The following DMD variants were observed in gnomAD, a reference collection of about 807,000 sequenced individuals.
DMD encodes mutant dystrophin.
A neutral mutation model predicts 330.1 loss-of-function variants in DMD; 63 were observed. That is an observed-to-expected ratio of 0.19 (90% CI 0.16 to 0.24). The LOEUF (loss-of-function observed/expected upper bound fraction) is 0.24. Ranked by LOEUF, DMD falls within the 10% of genes least tolerant of loss-of-function variation. The pLI is 1.00. For missense variants in DMD, 3,344 were observed against 2,684.1 expected (o/e 1.25, Z -5.43); for synonymous variants, 1,223 against 959.8 (o/e 1.27, Z -5.07).
chrX:32,072,281 T>G (rs2096306335), intron 44 of DMD, among the ~76,000 whole-genome samples: 1 of 112,117 alleles, frequency 8.9e-6, no homozygotes, highest in Admixed American at 9.5e-5. Context: ...GTTTCTACAT[T>G]ATTTTTAAAA....
intron 62 of DMD, among the ~76,000 whole-genome samples, chrX:31,284,577 T>TCTTCTTCTTCTTCTA (rs1569516716): frequency 2.1e-5 from 2 of 93,266 alleles, no homozygotes; most frequent in Non-Finnish European, 2.1e-5. Flanking sequence ...TTCTTCTTCT[T>TCTTCTTCTTCTTCTA]CTTCTTCTTC....
chrX:33,145,694 T>A (rs1253283592), intron 1 of DMD, among the ~76,000 whole-genome samples: 4 of 109,523 alleles, frequency 3.7e-5, no homozygotes, highest in African/African-American at 1.3e-4. Context: ...GAACAATTAG[T>A]GTTCTGTAAA....
intron 7 of DMD, among the ~76,000 whole-genome samples, chrX:32,704,967 T>C (rs1422817276): frequency 8.9e-6 from 1 of 112,282 alleles, no homozygotes; most frequent in African/African-American, 3.2e-5. Context: ...TATAATATCA[T>C]CTGATATCTA....
intron 52 of DMD, among the ~76,000 whole-genome samples, chrX:31,684,200 G>A (rs1391112): frequency 0.42 from 46,540 of 110,487 alleles, 7,945 homozygotes; most frequent in African/African-American, 0.62. Flanking sequence ...GAAAAAGTAA[G>A]GACAGTAAAT....
At chrX:31,679,090 G>A (rs910508564) in intron 53 of DMD, among the ~76,000 whole-genome samples, 2 of 110,221 alleles carry the variant, frequency 1.8e-5, no homozygotes, top group African/African-American at 3.3e-5. Flanking sequence ...GGTGGTACAC[G>A]CCTGGCTAGT....
chrX:32,990,281 A>G (rs906172841), intron 2 of DMD, among the ~76,000 whole-genome samples: 8 of 112,082 alleles, frequency 7.1e-5, no homozygotes, highest in African/African-American at 2.6e-4. Context: ...TTTCATGCCT[A>G]GCTACAGTTG....
chrX:32,198,907 C>T (rs141690323), intron 44 of DMD, among the ~76,000 whole-genome samples: 2,854 of 112,129 alleles, frequency 0.025, 81 homozygotes, highest in African/African-American at 0.084. Flanking sequence ...GTATGCAAGA[C>T]GTTACATATC....
chrX:31,993,482 G>A (rs1009000767), intron 44 of DMD, among the ~76,000 whole-genome samples: 7 of 111,381 alleles, frequency 6.3e-5, no homozygotes, highest in African/African-American at 1.6e-4. Flanking sequence ...AAACAAATTC[G>A]ACTCCTGGAT....
chrX:32,388,304 T>C (rs2147590858), intron 32 of DMD, among the ~76,000 whole-genome samples: 1 of 104,984 alleles, frequency 9.5e-6, no homozygotes, highest in Admixed American at 1.1e-4. Context: ...TTGCAAATAT[T>C]AGTCATGAAT....
At chrX:32,302,088 A>G (rs996386386) in intron 42 of DMD, among the ~76,000 whole-genome samples, 5 of 111,193 alleles carry the variant, frequency 4.5e-5, no homozygotes, top group African/African-American at 1.3e-4. Context: ...GGAAATACAC[A>G]TGGCCCCCGT....
chrX:32,793,902 GC>G (rs2076002241), intron 7 of DMD, among the ~76,000 whole-genome samples: 1 of 111,323 alleles, frequency 9.0e-6, no homozygotes, highest in Admixed American at 9.6e-5. Flanking sequence ...TATGAAGCCA[GC>G]ATTACCCTGA....
chrX:32,866,460 A>T (rs761937501), intron 2 of DMD, among the ~76,000 whole-genome samples: 23 of 111,352 alleles, frequency 2.1e-4, no homozygotes, highest in Non-Finnish European at 4.3e-4. Context: ...ATATTTATAA[A>T]ATATTTTTAA....
intron 60 of DMD, among the ~76,000 whole-genome samples, chrX:31,372,530 T>C (rs961025945): frequency 2.7e-5 from 3 of 112,092 alleles, no homozygotes; most frequent in Non-Finnish European, 1.9e-5. Flanking sequence ...AGAAAGAACA[T>C]GAGTTTTGAA....
chrX:31,507,256 CT>C, intron 56 of DMD, 24 bp downstream of exon 56: 4 of 1,209,975 alleles, frequency 3.3e-6, no homozygotes, highest in Non-Finnish European at 4.5e-6. Flanking sequence ...CATTTGTGGC[CT>C]TTTTGCTCCA....
At chrX:32,340,956 A>C (rs1042438552) in intron 41 of DMD, among the ~76,000 whole-genome samples, 3 of 112,009 alleles carry the variant, frequency 2.7e-5, no homozygotes, top group African/African-American at 9.7e-5. Flanking sequence ...ATTTAACAGA[A>C]AACAGTGTAT....
intron 61 of DMD, among the ~76,000 whole-genome samples, chrX:31,330,756 T>C (rs972777648): frequency 6.2e-5 from 7 of 112,116 alleles, no homozygotes; most frequent in African/African-American, 2.3e-4. Context: ...TAGTTATTAG[T>C]GTTGAATATA....
chrX:31,366,744 T>C (rs1161102893), intron 60 of DMD, among the ~76,000 whole-genome samples: 1 of 109,963 alleles, frequency 9.1e-6, no homozygotes, highest in Admixed American at 9.7e-5. Flanking sequence ...GCATTTAATT[T>C]GTGTAATAAT....
chrX:33,143,529 T>C (rs188885276), intron 1 of DMD, among the ~76,000 whole-genome samples: 2 of 111,657 alleles, frequency 1.8e-5, no homozygotes, highest in East Asian at 2.8e-4. Context: ...CAGAATAATA[T>C]AACACAGTGT....
chrX:31,469,601 C>T (rs1363320369), intron 59 of DMD, among the ~76,000 whole-genome samples: 1 of 111,731 alleles, frequency 9.0e-6, no homozygotes, highest in Non-Finnish European at 1.9e-5. Context: ...CTGCCCTTAA[C>T]ATTTTTTCCT....
Sources: allele counts gnomAD v4.1 joint callset (sites outside exome capture counted in the v4.1 genomes callset), GRCh38; gene constraint gnomAD v4.1.1; transcripts MANE v1.5; gene names NCBI Gene and HGNC (gene_info 2026-07-23, HGNC 2026-07-21).